Variants in PRELID2 observed in about 807,000 individuals in gnomAD.
The protein encoded by PRELID2 is PRELI domain-containing protein 2.
In PRELID2, 25 loss-of-function variants were observed where a neutral mutation model predicts 28.4. That is an observed-to-expected ratio of 0.88 (90% CI 0.64 to 1.23). PRELID2 has a LOEUF of 1.23. Ranked by LOEUF, PRELID2 falls within the 50% of genes most tolerant of loss-of-function variation. The pLI is 0.00. For missense variants in PRELID2, 201 were observed against 214.4 expected (o/e 0.94, Z 0.39); for synonymous variants, 76 against 71.6 (o/e 1.06, Z -0.31).
intron 1 of PRELID2, among the ~76,000 whole-genome samples, chr5:145,498,687 C>A (rs1752329035): frequency 2.0e-5 from 3 of 152,102 alleles, no homozygotes; most frequent in Non-Finnish European, 4.4e-5. Flanking sequence ...CACCACCATG[C>A]CCAGCTATGG....
chr5:145,299,909 T>C, the PRELID2 span, among the ~76,000 whole-genome samples: 2 of 152,106 alleles, frequency 1.3e-5, no homozygotes, highest in East Asian at 1.9e-4. Context: ...ACAGGATAGA[T>C]ACATGATTCT....
At chr5:145,334,650 CA>C in the PRELID2 span, among the ~76,000 whole-genome samples, 2 of 152,128 alleles carry the variant, frequency 1.3e-5, no homozygotes, top group Non-Finnish European at 1.5e-5. Context: ...CTTCCTTCAG[CA>C]CTTTTTGTAA....
intron 6 of PRELID2, among the ~76,000 whole-genome samples, chr5:145,761,386 TC>T (rs1415053325): frequency 6.6e-6 from 1 of 152,204 alleles, no homozygotes; most frequent in African/African-American, 2.4e-5. Context: ...TATTTTAACT[TC>T]CTGTTATTAT....
chr5:145,749,953 A>G (rs1757085885), intron 1 of PRELID2, among the ~76,000 whole-genome samples: 1 of 151,700 alleles, frequency 6.6e-6, no homozygotes, highest in Admixed American at 6.6e-5. Context: ...AACACACACC[A>G]GGGCCTGTTG....
the PRELID2 span, among the ~76,000 whole-genome samples, chr5:145,365,787 A>T: frequency 6.6e-6 from 1 of 151,904 alleles, no homozygotes; most frequent in African/African-American, 2.4e-5. Flanking sequence ...GGACAAGATG[A>T]TCTTTCAGAA....
At chr5:145,235,251 C>T in the PRELID2 span, among the ~76,000 whole-genome samples, 34 of 152,096 alleles carry the variant, frequency 2.2e-4, no homozygotes, top group Admixed American at 1.5e-3. Context: ...GGTCACAGGC[C>T]GATATTCTTA....
the PRELID2 span, among the ~76,000 whole-genome samples, chr5:145,312,818 A>T: frequency 6.6e-6 from 1 of 152,262 alleles, no homozygotes; most frequent in African/African-American, 2.4e-5. Context: ...CTGCAATAAC[A>T]TGAGAGTACA....
intron 4 of PRELID2, among the ~76,000 whole-genome samples, chr5:145,804,241 T>C (rs943106581): frequency 4.6e-5 from 7 of 152,200 alleles, no homozygotes; most frequent in Non-Finnish European, 8.8e-5. Flanking sequence ...ATTATTAATA[T>C]ACCTCACGCC....
In PRELID2 at chr5:145,472,522, C is replaced by T. The variant is rs537196384; in HGVS notation, n.187-385G>A. Among the ~76,000 whole-genome samples, 4 of 152,184 alleles carry T rather than the reference C, an allele frequency of 2.6e-5. No homozygotes were observed. The South Asian group carries it at 8.3e-4, about 32-fold the overall frequency. ...ATGAATACAGGAGGAGAAAGCTTTC[C>T]CATTATAATCCTAAGGCCTAGAAGA... On this transcript the variant is annotated intron_variant and non_coding_transcript_variant, in intron 2 of 2. Coordinates refer to the PRELID2 transcript ENST00000510259.
chr5:145,376,554 A>G, the PRELID2 span, among the ~76,000 whole-genome samples: 4 of 152,064 alleles, frequency 2.6e-5, no homozygotes, highest in Non-Finnish European at 4.4e-5. Flanking sequence ...GTAGGCTATT[A>G]CTGACTCAAT....
the PRELID2 span, among the ~76,000 whole-genome samples, chr5:145,428,848 C>A: frequency 2.0e-5 from 3 of 152,050 alleles, no homozygotes; most frequent in Non-Finnish European, 4.4e-5. Flanking sequence ...GCATTCCAGG[C>A]AGAGGAGAGA....
chr5:145,826,376 G>A lies in PRELID2; in HGVS notation c.76-3242C>T, dbSNP rs943368450. ...AAAAGCCCTTGTCTTTCTTGATCCT[G>A]GCTTAGCTGATCACAAACTGCAGTG... On this transcript the variant is annotated intron_variant, in intron 1 of 6. Coordinates refer to ENST00000683046, the MANE Select transcript of PRELID2 (RefSeq NM_205846.3). Among the ~76,000 whole-genome samples the A allele has an allele frequency of 3.3e-5, 5 of 152,162 alleles. No individual in the cohort carries two copies. The East Asian group carries it at 9.6e-4, about 29-fold the overall frequency.
intron 1 of PRELID2, among the ~76,000 whole-genome samples, chr5:145,637,686 T>A (rs544516901): frequency 5.3e-5 from 8 of 152,004 alleles, no homozygotes; most frequent in Non-Finnish European, 1.2e-4. Flanking sequence ...TTAGTAAGAG[T>A]GTGGGAGGAA....
chr5:145,528,580 A>C (rs905662711), intron 1 of PRELID2, among the ~76,000 whole-genome samples: 12 of 151,878 alleles, frequency 7.9e-5, no homozygotes, highest in African/African-American at 2.9e-4. Context: ...AGTGAAAGGG[A>C]TTCTAATTCA....
intron 1 of PRELID2, among the ~76,000 whole-genome samples, chr5:145,627,444 G>A (rs995505172): frequency 2.6e-5 from 4 of 151,854 alleles, no homozygotes; most frequent in Admixed American, 2.0e-4. Context: ...CACCACTATG[G>A]AATATATTCA....
chr5:145,287,647 A>T, the PRELID2 span, among the ~76,000 whole-genome samples: 1 of 152,194 alleles, frequency 6.6e-6, no homozygotes, highest in African/African-American at 2.4e-5. Flanking sequence ...AATTTCAAAG[A>T]GTTTTTATGT....
At chr5:145,310,013 C>T in the PRELID2 span, among the ~76,000 whole-genome samples, 2 of 152,294 alleles carry the variant, frequency 1.3e-5, no homozygotes, top group African/African-American at 2.4e-5. Context: ...AAATCATAAA[C>T]ATTTGAAATC....
At chr5:145,448,438 T>A in the PRELID2 span, among the ~76,000 whole-genome samples, 2 of 152,180 alleles carry the variant, frequency 1.3e-5, no homozygotes, top group Non-Finnish European at 2.9e-5. Flanking sequence ...TTCACTCTGA[T>A]GGTAGTTTCT....
intron 1 of PRELID2, among the ~76,000 whole-genome samples, chr5:145,692,568 C>T (rs76678979): frequency 0.026 from 3,909 of 152,132 alleles, 174 homozygotes; most frequent in African/African-American, 0.088. Context: ...TTTTGTCTAA[C>T]AATGTTAATT....
Sources: gnomAD v4.1 joint callset for allele counts (sites outside exome capture counted in the v4.1 genomes callset) on GRCh38, gnomAD v4.1.1 for gene constraint, MANE v1.5 for transcripts, NCBI Gene and HGNC (gene_info 2026-07-23, HGNC 2026-07-21) for gene names.